CETP: variants seen among roughly 807,000 people sequenced by gnomAD.
CETP encodes cholesteryl ester transfer protein, also known as BPI fold containing family F.
In CETP, 56 loss-of-function variants were observed where a neutral mutation model predicts 66.5. The observed-to-expected ratio is 0.84, with a 90% CI of 0.68 to 1.05. The LOEUF is 1.05. CETP is among the 50% of genes least tolerant of loss of function. The probability of loss-of-function intolerance (pLI) is 0.00; values close to 1 mark genes in which losing one functional copy is unlikely to be tolerated. For missense variants in CETP, 612 were observed against 609.6 expected (o/e 1.00, Z -0.04); for synonymous variants, 251 against 245.7 (o/e 1.02, Z -0.20).
Position 56,978,110 on chromosome 16 carries a change from G to C in CETP, c.1001G>C (p.Ser334Thr). 6.2e-7 allele frequency: 1 copy of C among 1,614,230 alleles called. No individual in the cohort carries two copies. ...CCACAGGTTGTCGGCGGCTTCCCCA[G>C]CCAGGCCCAAGTCACCGTCCACTGC... ...IFQEVVGGFP[S>T]QAQVTVHCLK... The change falls in exon 11 of 16, where the codon AGC becomes ACC. Residue 334 changes from serine to threonine, a missense_variant. Coordinates refer to ENST00000200676, the MANE Select transcript of CETP (RefSeq NM_000078.3).
At chr16:56,983,263 C>A in intron 14 of CETP, 63 bp from the exon 15 acceptor site, 1 of 1,386,302 alleles carries the variant, frequency 7.2e-7, no homozygotes, top group Non-Finnish European at 1.0e-6. Context: ...CCCAGGGTGG[C>A]AGAGCCTCGG....
intron 2 of CETP, among the ~76,000 whole-genome samples, chr16:56,964,629 A>G (rs1484069711): frequency 6.6e-6 from 1 of 152,164 alleles, no homozygotes; most frequent in Non-Finnish European, 1.5e-5. Flanking sequence ...GCCCTGCTAA[A>G]CACGCTCCCC....
intron 2 of CETP, among the ~76,000 whole-genome samples, chr16:56,968,630 C>A (rs12597025): frequency 5.3e-5 from 8 of 152,032 alleles, no homozygotes; most frequent in African/African-American, 1.7e-4. Context: ...TGTTGACATA[C>A]AATTGTTCGT....
At chr16:56,979,109 G>A (rs1275962622) in intron 11 of CETP, among the ~76,000 whole-genome samples, 12 of 152,246 alleles carry the variant, frequency 7.9e-5, no homozygotes, top group African/African-American at 2.9e-4. Context: ...TTACAGGCAT[G>A]AGCCACCACG....
intron 5 of CETP, 130 bp from the exon 6 acceptor site, chr16:56,970,903 T>C: frequency 1.2e-6 from 1 of 832,004 alleles, no homozygotes; most frequent in Non-Finnish European, 2.0e-6. Flanking sequence ...AAAATGGGAG[T>C]GATAATTCTT....
intron 8 of CETP, 141 bp from the exon 9 acceptor site, chr16:56,973,190 G>A (rs1412359826): frequency 2.3e-6 from 2 of 851,230 alleles, no homozygotes; most frequent in Non-Finnish European, 3.8e-6. Context: ...GCCCCGCTGG[G>A]GGAAACTGGG....
rs1437897540 is a variant in CETP at position 56,971,387 on chromosome 16, T to C, written c.658+6T>C. ...TTTTGTCCAGACAAGGGCTGGTGAG[T>C]GCGTTTCTGTCTGCATGCCTCAGAA... On this transcript the variant is annotated splice_donor_region_variant and intron_variant, in intron 7 of 15. Transcript: ENST00000200676. 8 of 1,613,634 alleles carry C rather than the reference T, an allele frequency of 5.0e-6. No homozygotes were observed. Among genetic ancestry groups the C allele is most frequent in the Non-Finnish European group, 6.8e-6 (8 of 1,179,774 alleles).
intron 9 of CETP, 86 bp downstream of exon 9, chr16:56,973,596 ACTC>A: frequency 6.7e-7 from 1 of 1,486,932 alleles, no homozygotes; most frequent in Non-Finnish European, 9.2e-7. Context: ...GAGGGAGGAA[ACTC>A]GGAAACTTGG....
chr16:56,962,980 C>A (rs771657321), intron 1 of CETP, 30 bp from the exon 2 acceptor site: 19 of 1,586,416 alleles, frequency 1.2e-5, no homozygotes, highest in Non-Finnish European at 1.4e-5. Context: ...TGTGGGCCTG[C>A]AGCCCCTCAT....
At chr16:56,977,105 T>G (rs758909677) in intron 10 of CETP, among the ~76,000 whole-genome samples, 2 of 151,892 alleles carry the variant, frequency 1.3e-5, no homozygotes, top group Non-Finnish European at 2.9e-5. Flanking sequence ...GAGACGGGGT[T>G]TCACCATGTT....
At chr16:56,976,047 C>G (rs1239078200) in intron 10 of CETP, among the ~76,000 whole-genome samples, 2 of 152,214 alleles carry the variant, frequency 1.3e-5, no homozygotes, top group East Asian at 3.9e-4. Flanking sequence ...ACACAACTCA[C>G]AATATTGGGC....
At chr16:56,978,049 G>A (rs752157036) in intron 10 of CETP, 42 bp from the exon 11 acceptor site, 3 of 1,608,772 alleles carry the variant, frequency 1.9e-6, no homozygotes. Flanking sequence ...CTGCTGCCCT[G>A]ATGGGCCCCT....
chr16:56,983,558 G>T (rs764634987), intron 15 of CETP, 34 bp from the exon 16 acceptor site: 2 of 1,613,006 alleles, frequency 1.2e-6, no homozygotes, highest in Non-Finnish European at 1.7e-6. Context: ...AGTCAGCCCA[G>T]CTCGCCCCTC....
intron 11 of CETP, among the ~76,000 whole-genome samples, chr16:56,980,267 G>T: frequency 6.6e-6 from 1 of 152,028 alleles, no homozygotes; most frequent in East Asian, 1.9e-4. Flanking sequence ...TTGTTTGTCT[G>T]TTTGTTTCTG....
rs775689281 is a variant in CETP, at chr16:56,973,316, C to T, written c.751-15C>T. ...GGGACACACAGGGTCCAGCCAGCGT[C>T]CTGGCTTCCTCCAGGGTCATTTCAT... On this transcript the variant is annotated splice_polypyrimidine_tract_variant and intron_variant, in intron 8 of 15. Coordinates refer to ENST00000200676, the MANE Select transcript of CETP (RefSeq NM_000078.3). 1.9e-6 allele frequency: 3 copies of T among 1,613,982 alleles called. No homozygotes were observed. The highest frequency in any genetic ancestry group is 3.3e-5 in the Admixed American group (2 of 60,028).
At chr16:56,968,964 G>T (rs2056087679) in intron 2 of CETP, among the ~76,000 whole-genome samples, 1 of 151,882 alleles carries the variant, frequency 6.6e-6, no homozygotes, top group African/African-American at 2.4e-5. Flanking sequence ...CTTTTTTAAA[G>T]ATAGGCATTT....
At chr16:56,974,960 A>G (rs2056139077) in intron 9 of CETP, 141 bp from the exon 10 acceptor site, 1 of 738,250 alleles carries the variant, frequency 1.4e-6, no homozygotes, top group African/African-American at 1.7e-5. Context: ...TGCCCAGAGC[A>G]TCTCACATGT....
In CETP at chr16:56,969,641, G is replaced by A; in HGVS notation, c.399G>A (p.Glu133=). The part of the protein sequence containing the change: ...WLGIDQSIDF[E]IDSAIDLQIN... The stretch of plus-strand genomic sequence containing the variant: ...GTATTGATCAGTCCATTGACTTCGA[G>A]ATCGACTCTGCCATTGACCTCCAGA... Residue 133 remains glutamate, a synonymous_variant, in exon 4 of 16, where the codon GAG becomes GAA. Transcript: ENST00000200676. 1.2e-6 allele frequency: 2 copies of A among 1,614,020 alleles called. No individual in the cohort carries two copies. Among genetic ancestry groups the A allele is most frequent in the Non-Finnish European group, 1.7e-6 (2 of 1,179,972 alleles).
At position 56,981,181 on chromosome 16, in the gene CETP, C is replaced by T. The variant is rs747146078; in HGVS notation, c.1170C>T (p.Ala390=). 6.2e-7 allele frequency: 1 copy of T among 1,613,786 alleles called. No homozygotes were observed. Among genetic ancestry groups the T allele is most frequent in the Non-Finnish European group, 8.5e-7 (1 of 1,179,638 alleles). The change falls in exon 12 of 16, where the codon GCC becomes GCT. Residue 390 remains alanine, a synonymous_variant. Coordinates refer to ENST00000200676, the MANE Select transcript of CETP (RefSeq NM_000078.3). ...AGGATATCGTGACTACCGTCCAGGC[C>T]TCCTATTCTAAGAAAAAGCTCTTCT... is the stretch of plus-strand genomic sequence containing the variant. ...FEEDIVTTVQ[A]SYSKKKLFLS... is the part of the protein sequence containing the mutation.
Sources: allele counts gnomAD v4.1 joint callset (sites outside exome capture counted in the v4.1 genomes callset), GRCh38; gene constraint gnomAD v4.1.1; transcripts MANE v1.5; gene names NCBI Gene and HGNC (gene_info 2026-07-23, HGNC 2026-07-21).